Variants in PANK1 observed in about 807,000 individuals in gnomAD.
The protein encoded by PANK1 is pantothenate kinase 1.
PANK1 carries 18 observed loss-of-function variants against 40.1 expected under a neutral mutation model. That is an observed-to-expected ratio of 0.45 (90% CI 0.31 to 0.67). PANK1 has a LOEUF of 0.67. Among genes scored for constraint, PANK1 ranks in the 30% least tolerant of loss-of-function variants. PANK1 has a pLI of 0.06. For synonymous variants in PANK1, 242 were observed against 237.7 expected (o/e 1.02, Z -0.17); for missense variants, 457 against 599.6 (o/e 0.76, Z 2.48).
At chr10:89,608,778 A>G (rs1845061839) in intron 2 of PANK1, among the ~76,000 whole-genome samples, 1 of 152,230 alleles carries the variant, frequency 6.6e-6, no homozygotes, top group Admixed American at 6.5e-5. Context: ...GATTTGTCAA[A>G]TTGTTTTAAT....
intron 2 of PANK1, among the ~76,000 whole-genome samples, chr10:89,605,166 G>T (rs1844920499): frequency 1.3e-5 from 2 of 152,078 alleles, no homozygotes; most frequent in Admixed American, 1.3e-4. Flanking sequence ...GCTGGTGGAG[G>T]GTCTCCCCTC....
chr10:89,629,414 A>G (rs1841567561), intron 1 of PANK1, among the ~76,000 whole-genome samples: 1 of 152,250 alleles, frequency 6.6e-6, no homozygotes, highest in South Asian at 2.1e-4. Context: ...AAAACTTTAT[A>G]AAATATAAAT....
rs371344147 is a variant in PANK1, at chr10:89,587,683, C to T, written c.1326+969G>A. 2.1e-4 allele frequency among the ~76,000 whole-genome samples: 32 copies of T among 152,260 alleles called. No homozygotes were observed. In the South Asian group the frequency reaches 6.0e-3, roughly 29 times the overall value. ...TGCTCAAAAATAGGCGTTGGTCTCA[C>T]ATCAAAAGATTGGTAAGTAAGTGCA... On this transcript the variant is annotated intron_variant, in intron 6 of 6. Transcript: ENST00000307534.
downstream of PANK1, chr10:89,582,344 G>C (rs1217095358): frequency 6.6e-6 from 1 of 152,182 alleles, no homozygotes; most frequent in Admixed American, 6.5e-5. Flanking sequence ...CAGGCTACAA[G>C]ATCTCTTTTG....
intron 3 of PANK1, 107 bp downstream of exon 3, chr10:89,599,145 G>A: frequency 7.5e-6 from 8 of 1,072,916 alleles, no homozygotes; most frequent in Non-Finnish European, 1.1e-5. Flanking sequence ...TGGCCAAGGA[G>A]GCCAAGATAT....
At position 89,645,132 on chromosome 10, in the gene PANK1, G is replaced by T; in HGVS notation, c.-241C>A. The T allele has an allele frequency of 6.6e-7, 1 of 1,506,134 alleles. No homozygotes were observed. Among genetic ancestry groups the T allele is most frequent in the Non-Finnish European group, 8.8e-7 (1 of 1,130,970 alleles). The allele number at this position is 1,506,134 out of a possible 1,614,324, so 93.3% of individuals were successfully genotyped here. ...CGCCGGCCTGGAGCACGCCAGCCCC[G>T]GGCGCGGAATCGGGGATCCCCGCGC... On this transcript the variant is annotated 5_prime_UTR_variant, in exon 1 of 7. Coordinates refer to ENST00000307534, the MANE Select transcript of PANK1 (RefSeq NM_148977.3).
intron 2 of PANK1, among the ~76,000 whole-genome samples, chr10:89,608,111 A>G (rs566029779): frequency 1.1e-4 from 17 of 149,682 alleles, no homozygotes; most frequent in Non-Finnish European, 2.5e-4. Context: ...AGCTTACTGC[A>G]AGCTCTGCCT....
intron 2 of PANK1, among the ~76,000 whole-genome samples, chr10:89,602,626 A>G (rs1164339042): frequency 2.6e-5 from 4 of 152,154 alleles, no homozygotes. Context: ...GCATGTTGAG[A>G]TTTCAGCTAG....
At chr10:89,594,120 T>A in intron 3 of PANK1, 131 bp from the exon 4 acceptor site, 1 of 636,958 alleles carries the variant, frequency 1.6e-6, no homozygotes, top group Non-Finnish European at 2.8e-6. Context: ...ATTAAAGTGC[T>A]AGGGTGCAAC....
chr10:89,609,066 T>A (rs913303013), intron 2 of PANK1, among the ~76,000 whole-genome samples: 4 of 152,204 alleles, frequency 2.6e-5, no homozygotes, highest in Non-Finnish European at 4.4e-5. Context: ...ATATATTCCA[T>A]ATTCACTTTC....
At chr10:89,602,771 T>C (rs2133947792) in intron 2 of PANK1, among the ~76,000 whole-genome samples, 1 of 152,284 alleles carries the variant, frequency 6.6e-6, no homozygotes, top group South Asian at 2.1e-4. Flanking sequence ...ATAAGGACTG[T>C]AGCAAACAAG....
At chr10:89,611,241 G>A (rs1413002564) in intron 2 of PANK1, among the ~76,000 whole-genome samples, 1 of 152,168 alleles carries the variant, frequency 6.6e-6, no homozygotes, top group South Asian at 2.1e-4. Flanking sequence ...CTGAAAAAAG[G>A]CACTTGAGAG....
chr10:89,625,670 A>G (rs1845640952), intron 1 of PANK1: 1 of 152,184 alleles, frequency 6.6e-6, no homozygotes, highest in Non-Finnish European at 1.5e-5. Context: ...GTGAAATTAG[A>G]ACAACAAATA....
chr10:89,628,668 A>G (rs180816183), intron 1 of PANK1, among the ~76,000 whole-genome samples: 27 of 152,358 alleles, frequency 1.8e-4, no homozygotes, highest in Non-Finnish European at 3.4e-4. Context: ...TACATGGTGA[A>G]TGTGAATTAT....
At chr10:89,598,143 T>G (rs1265343370) in intron 3 of PANK1, among the ~76,000 whole-genome samples, 1 of 152,156 alleles carries the variant, frequency 6.6e-6, no homozygotes, top group Non-Finnish European at 1.5e-5. Flanking sequence ...ATGCCAGTTG[T>G]AACAACCAAA....
intron 6 of PANK1, among the ~76,000 whole-genome samples, chr10:89,584,852 T>C (rs899895193): frequency 1.3e-5 from 2 of 152,208 alleles, no homozygotes; most frequent in African/African-American, 4.8e-5. Context: ...ATACCAAATC[T>C]GTCTGACTTT....
Position 89,644,948 on chromosome 10 carries a change from CA to C in PANK1, c.-58del. 6.4e-7 allele frequency: 1 copy of C among 1,570,918 alleles called. No homozygotes were observed. ...CGGCTCAGGCGGCCTCGCTGGAGGT[CA>C]TTCTCCGGCGTCTTTATTTCCCCGG... is the stretch of plus-strand genomic sequence containing the variant. On this transcript the variant is annotated 5_prime_UTR_variant, in exon 1 of 7. The change abolishes an upstream ATG in the 5' untranslated region. Transcript: ENST00000307534.
At position 89,588,907 on chromosome 10, in the gene PANK1, T is replaced by C. The variant is rs1006493241; in HGVS notation, c.1201-130A>G. On this transcript the variant is annotated intron_variant, in intron 5 of 6. Transcript: ENST00000307534. ...ATTCCTTGTTTTTTTGGTGGAATTA[T>C]TTCAACATCGCCAAAATGAAGTTAA... The C allele has an allele frequency of 2.9e-5, 17 of 578,652 alleles. No homozygotes were observed. The Middle Eastern group carries it at 1.2e-3, about 42-fold the overall frequency. The allele number at this position is 578,652 out of a possible 1,614,324, so 35.8% of individuals were successfully genotyped here.
chr10:89,592,644 G>A (rs559829967), intron 5 of PANK1: 25 of 487,384 alleles, frequency 5.1e-5, no homozygotes, highest in Admixed American at 2.0e-4. Flanking sequence ...TTTTCCAAAC[G>A]AATCTTGCAA....
Sources: gnomAD v4.1 joint callset for allele counts (sites outside exome capture counted in the v4.1 genomes callset) on GRCh38, gnomAD v4.1.1 for gene constraint, MANE v1.5 for transcripts, NCBI Gene and HGNC (gene_info 2026-07-23, HGNC 2026-07-21) for gene names.